Variants in PHF20 observed in about 807,000 individuals in gnomAD.
PHF20 encodes the protein glioma-expressed antigen 2.
A neutral mutation model predicts 113.5 loss-of-function variants in PHF20; 23 were observed. The ratio of observed to expected loss-of-function variants is 0.20; its 90% CI spans 0.15 to 0.29. PHF20 has a LOEUF of 0.29. Ranked by LOEUF, PHF20 falls within the 10% of genes least tolerant of loss-of-function variation. PHF20 has a pLI of 1.00. For synonymous variants in PHF20, 434 were observed against 457.3 expected, an observed-to-expected ratio of 0.95 and a Z score of 0.65; for missense variants, 943 against 1,219.6, an observed-to-expected ratio of 0.77 and a Z score of 3.38.
intron 9 of PHF20, among the ~76,000 whole-genome samples, chr20:35,894,048 C>A (rs975841792): frequency 2.0e-5 from 3 of 152,042 alleles, no homozygotes; most frequent in African/African-American, 7.2e-5. Flanking sequence ...AAAAGATGTC[C>A]CAAAAGGTGG....
chr20:35,843,511 T>C (rs2042567557), intron 3 of PHF20, among the ~76,000 whole-genome samples: 2 of 134,058 alleles, frequency 1.5e-5, no homozygotes. Context: ...GACAGAGTGA[T>C]ATTCCATCTC....
chr20:35,778,547 C>G (rs1248779769), intron 1 of PHF20, among the ~76,000 whole-genome samples: 1 of 152,000 alleles, frequency 6.6e-6, no homozygotes, highest in Admixed American at 6.6e-5. Flanking sequence ...GTCAGGAGTT[C>G]AAGACCAGCC....
chr20:35,907,947 T>C (rs1259025081), intron 10 of PHF20, among the ~76,000 whole-genome samples: 3 of 152,228 alleles, frequency 2.0e-5, no homozygotes, highest in African/African-American at 4.8e-5. Context: ...GAAGTACTTG[T>C]TTTAAGAATT....
rs765749195 is a variant in PHF20 at position 35,917,678 on chromosome 20, A to G, written c.2004+16A>G. ...CATGATTCAGGTAGGCAGAGCTTCC[A>G]GGAAACAGGTCTAGAGAAGCACAAA... On this transcript the variant is annotated intron_variant, in intron 13 of 17. Coordinates refer to ENST00000374012, the MANE Select transcript of PHF20 (RefSeq NM_016436.5). 1 of 1,608,460 alleles carries G rather than the reference A, an allele frequency of 6.2e-7. No homozygotes were observed. Among genetic ancestry groups the G allele is most frequent in the Non-Finnish European group, 8.5e-7 (1 of 1,177,070 alleles).
intron 2 of PHF20, among the ~76,000 whole-genome samples, chr20:35,812,018 C>T (rs2041987994): frequency 6.6e-6 from 1 of 152,052 alleles, no homozygotes; most frequent in African/African-American, 2.4e-5. Context: ...CGTGATCCAC[C>T]CGCCTCAGCC....
intron 9 of PHF20, among the ~76,000 whole-genome samples, chr20:35,894,935 G>A (rs371587354): frequency 1.1e-4 from 17 of 152,214 alleles, no homozygotes; most frequent in African/African-American, 2.6e-4. Flanking sequence ...GGCTCACTGC[G>A]ATCTCGACCT....
At chr20:35,786,988 GTTT>G (rs954417364) in intron 1 of PHF20, among the ~76,000 whole-genome samples, 5 of 128,598 alleles carry the variant, frequency 3.9e-5, no homozygotes, top group Admixed American at 2.4e-4. Context: ...TCTCTTTCCT[GTTT>G]TTTTTTTTTT....
At chr20:35,837,343 G>T (rs947571739) in intron 2 of PHF20, among the ~76,000 whole-genome samples, 2 of 152,106 alleles carry the variant, frequency 1.3e-5, no homozygotes, top group Non-Finnish European at 2.9e-5. Context: ...GCTAATTTTT[G>T]TTATTAGTTT....
At chr20:35,818,931 G>A (rs1276045538) in intron 2 of PHF20, among the ~76,000 whole-genome samples, 1 of 151,282 alleles carries the variant, frequency 6.6e-6, no homozygotes, top group Admixed American at 6.6e-5. Flanking sequence ...CCCTGTTTTT[G>A]TTTTGTTTTG....
intron 1 of PHF20, among the ~76,000 whole-genome samples, chr20:35,786,448 C>T (rs747551775): frequency 8.9e-5 from 13 of 146,426 alleles, no homozygotes; most frequent in Non-Finnish European, 1.7e-4. Context: ...TCATGCCTGT[C>T]ATCCCAGCAG....
chr20:35,796,093 G>A (rs767519886), intron 1 of PHF20, among the ~76,000 whole-genome samples: 16 of 151,994 alleles, frequency 1.1e-4, no homozygotes, highest in Non-Finnish European at 1.8e-4. Context: ...CTCATGATCC[G>A]CCCGCCTTGG....
At chr20:35,774,793 C>T (rs1240692103) in intron 1 of PHF20, 1 of 152,188 alleles carries the variant, frequency 6.6e-6, no homozygotes, top group African/African-American at 2.4e-5. Flanking sequence ...TCCCAGAAAC[C>T]TGGAGAGATT....
rs938976855 is a variant in PHF20, at chr20:35,894,102, T to C, written c.1283-5268T>C. 3.3e-5 allele frequency among the ~76,000 whole-genome samples: 5 copies of C among 152,332 alleles called. No homozygotes were observed. In the East Asian group the frequency reaches 7.7e-4, roughly 24 times the overall value. ...AATGTGAATAGTCATACTAGGAACC[T>C]TGTGGTTGGTTTTGAATTTCACACT... On this transcript the variant is annotated intron_variant, in intron 9 of 17. Coordinates refer to ENST00000374012, the MANE Select transcript of PHF20 (RefSeq NM_016436.5).
At chr20:35,889,956 T>G (rs2054817524) in intron 9 of PHF20, among the ~76,000 whole-genome samples, 1 of 152,154 alleles carries the variant, frequency 6.6e-6, no homozygotes. Flanking sequence ...CTTGAACTCC[T>G]GACCTCAAGT....
intron 2 of PHF20, among the ~76,000 whole-genome samples, chr20:35,808,597 G>A (rs563063020): frequency 2.7e-4 from 41 of 151,100 alleles, no homozygotes; most frequent in African/African-American, 9.7e-4. Flanking sequence ...TTTTTGAGAC[G>A]GAGTCTCGCC....
At chr20:35,856,992 G>A (rs928470573) in intron 4 of PHF20, among the ~76,000 whole-genome samples, 2 of 152,190 alleles carry the variant, frequency 1.3e-5, no homozygotes, top group Non-Finnish European at 1.5e-5. Context: ...AGGACTGGCG[G>A]TGGAGGGGTG....
intron 16 of PHF20, among the ~76,000 whole-genome samples, chr20:35,940,436 G>A (rs888257531): frequency 1.3e-5 from 2 of 151,950 alleles, no homozygotes; most frequent in African/African-American, 4.8e-5. Context: ...TCCTCCCACC[G>A]AGAAAGCAGA....
chr20:35,830,145 T>G (rs937802405), intron 2 of PHF20, among the ~76,000 whole-genome samples: 6 of 151,532 alleles, frequency 4.0e-5, no homozygotes, highest in African/African-American at 1.5e-4. Context: ...AACTCCCGAG[T>G]TCAGGCAGTC....
chr20:35,854,200 T>A (rs903089062), intron 4 of PHF20, among the ~76,000 whole-genome samples: 3 of 152,202 alleles, frequency 2.0e-5, no homozygotes, highest in South Asian at 4.1e-4. Context: ...TTGTTATGCA[T>A]CTCAGTTTTG....
Sources: gnomAD v4.1 joint callset for allele counts (sites outside exome capture counted in the v4.1 genomes callset) on GRCh38, gnomAD v4.1.1 for gene constraint, MANE v1.5 for transcripts, NCBI Gene and HGNC (gene_info 2026-07-23, HGNC 2026-07-21) for gene names.